DGLUCY: variants seen among roughly 807,000 people sequenced by gnomAD.
The protein encoded by DGLUCY is D-glutamate cyclase, also known as D-glutamate cyclase, mitochondrial.
A neutral mutation model predicts 58.5 loss-of-function variants in DGLUCY; 58 were observed. That is an observed-to-expected ratio of 0.99 (90% CI 0.80 to 1.23). DGLUCY has a LOEUF of 1.23. Ranked by LOEUF, DGLUCY falls within the 50% of genes most tolerant of loss-of-function variation. The pLI, the probability that DGLUCY is intolerant of heterozygous loss-of-function variation, is 0.00. For missense variants in DGLUCY, 779 were observed against 784.7 expected (o/e 0.99, Z 0.09); for synonymous variants, 325 against 314.1 (o/e 1.03, Z -0.37).
At chr14:91,061,528 C>G (rs2043683104) in intron 1 of DGLUCY, among the ~76,000 whole-genome samples, 1 of 152,226 alleles carries the variant, frequency 6.6e-6, no homozygotes. Flanking sequence ...GTTAGAGAAT[C>G]TCGCACGGAT....
chr14:91,167,410 T>C (rs751491107), intron 4 of DGLUCY, 32 bp downstream of exon 4: 1 of 1,613,886 alleles, frequency 6.2e-7, no homozygotes, highest in Non-Finnish European at 8.5e-7. Flanking sequence ...GGGTTGAAGC[T>C]TGGGAGTGTC....
intron 11 of DGLUCY, 106 bp downstream of exon 11, chr14:91,200,011 G>A (rs1274661915): frequency 6.2e-6 from 9 of 1,448,510 alleles, no homozygotes; most frequent in Admixed American, 1.8e-5. Flanking sequence ...CTGGAGTGCA[G>A]TGGCACGATC....
rs1181122896 is a variant in DGLUCY at position 91,189,080 on chromosome 14, C to T, written c.1105C>T (p.Leu369=). The T allele has an allele frequency of 5.0e-6, 8 of 1,614,044 alleles. No homozygotes were observed. Residue 369 remains leucine, a synonymous_variant, in exon 9 of 14, where the codon CTG becomes TTG. Coordinates refer to ENST00000256324, the MANE Select transcript of DGLUCY (RefSeq NM_001102368.3). The part of the protein sequence containing the change: ...PPGAVALVAF[L]QALEKEVAII... ...AGGAGCTGTTGCTCTGGTTGCCTTC[C>T]TGCAGGCCTTGGAGAAGGAGGTCGC...
At chr14:91,068,522 G>C (rs980388428) in intron 1 of DGLUCY, among the ~76,000 whole-genome samples, 25 of 152,234 alleles carry the variant, frequency 1.6e-4, no homozygotes, top group African/African-American at 6.0e-4. Flanking sequence ...TACAAAATTA[G>C]CCAGGCGTGG....
chr14:91,199,838 G>A lies in DGLUCY; in HGVS notation c.1377G>A (p.Lys459=), dbSNP rs748278783. 3.7e-6 allele frequency: 6 copies of A among 1,614,044 alleles called. No homozygotes were observed. The highest frequency in any genetic ancestry group is 1.3e-5 in the African/African-American group (1 of 74,912). ...ACAATGCAAGGAAGATGAACATCAA[G>A]CACTTGGTTGACCCCATTGACGATC... ...NYYNARKMNI[K]HLVDPIDDLF... is the part of the protein sequence containing the mutation. Residue 459 remains lysine (K), a synonymous_variant, in exon 11 of 14, where the codon AAG becomes AAA. Transcript: ENST00000256324.
chr14:91,166,319 C>G (rs981799323), intron 3 of DGLUCY, among the ~76,000 whole-genome samples: 10 of 152,180 alleles, frequency 6.6e-5, no homozygotes, highest in Admixed American at 1.3e-4. Flanking sequence ...GGCCTGTGTC[C>G]TTCCCTGCAG....
At chr14:91,209,199 G>C (rs1289244479) in intron 12 of DGLUCY, among the ~76,000 whole-genome samples, 2 of 152,054 alleles carry the variant, frequency 1.3e-5, no homozygotes, top group African/African-American at 4.8e-5. Context: ...GGAGGCAGAG[G>C]TTGCAGTAAG....
Position 91,181,458 on chromosome 14 carries a change from C to G in DGLUCY, c.934+69C>G. The G allele has an allele frequency of 2.0e-6, 3 of 1,492,598 alleles. No individual in the cohort carries two copies. In the South Asian group the frequency reaches 3.6e-5, roughly 18 times the overall value. 92.5% of individuals were successfully genotyped at this position (1,492,598 alleles called of 1,614,324 possible). A position where few individuals can be genotyped will look rare whatever the true frequency, so the allele number is the denominator to read the frequency against. On this transcript the variant is annotated intron_variant, in intron 8 of 13. Coordinates refer to ENST00000256324, the MANE Select transcript of DGLUCY (RefSeq NM_001102368.3). The stretch of plus-strand genomic sequence containing the variant: ...CAACACATTTGCACCTGGAGAAAAT[C>G]ACCTTTTCAGTGAAAAAGGTGGGAT...
chr14:91,147,112 C>T (rs2047053291), intron 1 of DGLUCY, among the ~76,000 whole-genome samples: 2 of 152,326 alleles, frequency 1.3e-5, no homozygotes, highest in South Asian at 4.1e-4. Flanking sequence ...TCAGGAAACT[C>T]ACTTAAGGGG....
chr14:91,103,063 C>T (rs1207408954), upstream of DGLUCY, among the ~76,000 whole-genome samples: 1 of 151,828 alleles, frequency 6.6e-6, no homozygotes, highest in East Asian at 1.9e-4. Context: ...TGCCCGGCAC[C>T]CCCTCCGTTC....
intron 1 of DGLUCY, among the ~76,000 whole-genome samples, chr14:91,065,440 G>T (rs562436237): frequency 6.6e-6 from 1 of 152,152 alleles, no homozygotes; most frequent in Non-Finnish European, 1.5e-5. Context: ...CCAAGGAGTT[G>T]GCGCTAGTAT....
rs147857080 is a variant in DGLUCY, at chr14:91,205,568, C to A, written c.1564+743C>A. ...TTCGTAATTGAGAAATGGCTGGAGG[C>A]TCAGTATGGGCAAGTATGAGAGTTT... On this transcript the variant is annotated intron_variant, in intron 12 of 13. Transcript: ENST00000256324. 2.9e-4 allele frequency among the ~76,000 whole-genome samples: 44 copies of A among 152,166 alleles called. 1 individual carries two copies. The highest frequency in any genetic ancestry group is 1.6e-4 in the Non-Finnish European group (11 of 68,032).
At chr14:91,224,174 T>C (rs1182579989) in intron 13 of DGLUCY, among the ~76,000 whole-genome samples, 2 of 152,184 alleles carry the variant, frequency 1.3e-5, no homozygotes, top group East Asian at 1.9e-4. Flanking sequence ...GAGGAACTTA[T>C]TGGCAGGAAA....
intron 6 of DGLUCY, among the ~76,000 whole-genome samples, chr14:91,174,955 G>A (rs2048776266): frequency 6.6e-6 from 1 of 152,146 alleles, no homozygotes; most frequent in Non-Finnish European, 1.5e-5. Flanking sequence ...TTACTGCGGT[G>A]TGAGAGCAGA....
chr14:91,074,116 TATACACACACAC>T (rs1488568620), intron 1 of DGLUCY, among the ~76,000 whole-genome samples: 15 of 77,492 alleles, frequency 1.9e-4, no homozygotes, highest in Admixed American at 5.1e-4. Context: ...TATATATATA[TATACACACACAC>T]ACACACACAC....
intron 1 of DGLUCY, among the ~76,000 whole-genome samples, chr14:91,085,552 G>GTT (rs112213563): frequency 5.2e-5 from 7 of 134,916 alleles, no homozygotes; most frequent in East Asian, 4.4e-4. Flanking sequence ...AAGTTCCTTT[G>GTT]TTTTTTTTTT....
At chr14:91,102,786 T>TGTGTGTGTGTGTGTG (rs59480792) in intron 1 of DGLUCY, among the ~76,000 whole-genome samples, 33 of 149,882 alleles carry the variant, frequency 2.2e-4, no homozygotes, top group East Asian at 3.9e-4. Context: ...TGTGTGTGTG[T>TGTGTGTGTGTGTGTG]TTGAGACTGA....
intron 1 of DGLUCY, among the ~76,000 whole-genome samples, chr14:91,134,219 T>A (rs186470752): frequency 1.1e-3 from 163 of 152,304 alleles, no homozygotes; most frequent in Non-Finnish European, 1.9e-3. Flanking sequence ...TTGATTGGAA[T>A]TGCCTAGAAT....
At chr14:91,201,158 C>T (rs1405170982) in intron 11 of DGLUCY, among the ~76,000 whole-genome samples, 2 of 152,222 alleles carry the variant, frequency 1.3e-5, no homozygotes, top group East Asian at 1.9e-4. Flanking sequence ...GAACAAATCA[C>T]GATGGTGGAG....
Sources: gnomAD v4.1 joint callset for allele counts (sites outside exome capture counted in the v4.1 genomes callset) on GRCh38, gnomAD v4.1.1 for gene constraint, MANE v1.5 for transcripts, NCBI Gene and HGNC (gene_info 2026-07-23, HGNC 2026-07-21) for gene names.